STXBP4: variants seen among roughly 807,000 people sequenced by gnomAD.
The protein encoded by STXBP4 is syntaxin binding protein 4, also known as syntaxin-binding protein 4.
Under a neutral mutation model 76.1 loss-of-function variants are expected in STXBP4, and 55 were observed. The observed-to-expected ratio is 0.72, with a 90% CI of 0.58 to 0.91. STXBP4 has a LOEUF of 0.91. Among genes scored for constraint, STXBP4 ranks in the 40% least tolerant of loss-of-function variants. The pLI is 0.00. For synonymous variants in STXBP4, 201 were observed against 220.2 expected (o/e 0.91, Z 0.77); for missense variants, 618 against 636.9 (o/e 0.97, Z 0.32).
chr17:55,123,781 T>C (rs914439078), intron 16 of STXBP4, among the ~76,000 whole-genome samples: 3 of 151,858 alleles, frequency 2.0e-5, no homozygotes, highest in Non-Finnish European at 2.9e-5. Flanking sequence ...GCGCCTATAG[T>C]CCCAGCTACT....
chr17:55,072,122 G>A (rs2079127463), intron 12 of STXBP4, among the ~76,000 whole-genome samples: 1 of 152,104 alleles, frequency 6.6e-6, no homozygotes, highest in South Asian at 2.1e-4. Context: ...GAGTAAAACA[G>A]TAGAAAGACA....
chr17:55,196,321 A>G, the STXBP4 span, among the ~76,000 whole-genome samples: 4 of 152,238 alleles, frequency 2.6e-5, no homozygotes, highest in East Asian at 1.9e-4. Flanking sequence ...CCTAGCACGT[A>G]CCATTCCCTG....
At chr17:55,048,243 A>G (rs1331017445) in intron 12 of STXBP4, among the ~76,000 whole-genome samples, 2 of 151,898 alleles carry the variant, frequency 1.3e-5, no homozygotes, top group Non-Finnish European at 2.9e-5. Flanking sequence ...AGAAGGGAAA[A>G]TTAAGGAGCT....
chr17:55,121,921 C>T (rs1368331495), intron 16 of STXBP4, among the ~76,000 whole-genome samples: 1 of 151,992 alleles, frequency 6.6e-6, no homozygotes, highest in Non-Finnish European at 1.5e-5. Flanking sequence ...GTGTAGGGAT[C>T]AGCCACTTAA....
intron 4 of STXBP4, among the ~76,000 whole-genome samples, chr17:54,997,939 A>G (rs1048209041): frequency 6.6e-6 from 1 of 151,836 alleles, no homozygotes; most frequent in Non-Finnish European, 1.5e-5. Context: ...ATTTTAAATA[A>G]TGTTTACATT....
chr17:54,999,881 C>T (rs2077879678), intron 6 of STXBP4, 39 bp downstream of exon 6: 1 of 1,304,478 alleles, frequency 7.7e-7, no homozygotes, highest in Non-Finnish European at 1.1e-6. Context: ...TATATGCACT[C>T]CATAAATTCC....
chr17:54,978,629 A>G (rs1387419932), intron 1 of STXBP4, among the ~76,000 whole-genome samples: 1 of 152,192 alleles, frequency 6.6e-6, no homozygotes, highest in Non-Finnish European at 1.5e-5. Context: ...ATAATTAGAA[A>G]GAGCTGATAT....
chr17:55,048,802 G>A (rs1342720142), intron 12 of STXBP4, among the ~76,000 whole-genome samples: 2 of 151,802 alleles, frequency 1.3e-5, no homozygotes, highest in Admixed American at 1.3e-4. Context: ...TAATCAAGAA[G>A]TAAAAGAGTT....
rs1407449596 is a variant in STXBP4, at chr17:55,159,803, A to G, written c.1554A>G (p.Val518=). The G allele has an allele frequency of 6.2e-7, 1 of 1,606,472 alleles. No individual in the cohort carries two copies. Among genetic ancestry groups the G allele is most frequent in the South Asian group, 1.1e-5 (1 of 90,724 alleles). Residue 518 remains valine, a synonymous_variant, in exon 18 of 18, where the codon GTA becomes GTG. Coordinates refer to ENST00000376352, the MANE Select transcript of STXBP4 (RefSeq NM_178509.6). ...ADGIKYFINH[V]TQTTSWIHPV... is the part of the protein sequence containing the mutation. ...CATTCTTGTTCTTCTCAAGTCATGT[A>G]ACACAGACTACATCCTGGATCCATC...
Position 55,078,695 on chromosome 17 carries a change from G to A in STXBP4, c.1315G>A (p.Glu439Lys), listed in dbSNP as rs1314297159. 1 of 1,568,220 alleles carries A rather than the reference G, an allele frequency of 6.4e-7. No individual in the cohort carries two copies. Among genetic ancestry groups the A allele is most frequent in the Non-Finnish European group, 8.8e-7 (1 of 1,140,924 alleles). The change falls in exon 15 of 18, where the codon GAA becomes AAA. Residue 439 changes from glutamate to lysine, a missense_variant. Glu to Lys is a moderately conservative substitution (Grantham distance 56, BLOSUM62 1). Coordinates refer to ENST00000376352, the MANE Select transcript of STXBP4 (RefSeq NM_178509.6). ...TCTTGTTTGTTGCTAGGCTATTCAA[G>A]AAGTATTTTCTGATAATTCTACTCC... ...KLLHFVEAIQ[E>K]VFSDNSTPLS...
chr17:55,133,494 G>A (rs2145128866), intron 16 of STXBP4, among the ~76,000 whole-genome samples: 1 of 152,286 alleles, frequency 6.6e-6, no homozygotes, highest in Non-Finnish European at 1.5e-5. Flanking sequence ...CGTATGAATA[G>A]TATTTAAATA....
At chr17:55,189,201 C>A in the STXBP4 span, among the ~76,000 whole-genome samples, 8 of 152,210 alleles carry the variant, frequency 5.3e-5, no homozygotes, top group South Asian at 4.1e-4. Context: ...CTTCAAAAAA[C>A]CAAGTAAAAC....
intron 11 of STXBP4, chr17:55,044,380 C>T (rs1269429256): frequency 2.0e-5 from 3 of 151,636 alleles, no homozygotes; most frequent in Non-Finnish European, 4.4e-5. Flanking sequence ...AAAATATTTA[C>T]ACCAAAAGGA....
chr17:54,983,691 CAT>C (rs1301068796), intron 1 of STXBP4, among the ~76,000 whole-genome samples: 1 of 151,988 alleles, frequency 6.6e-6, no homozygotes, highest in African/African-American at 2.4e-5. Context: ...GTGTGTGAAA[CAT>C]AGTGCCAATT....
chr17:55,088,690 C>T (rs1342144785), intron 16 of STXBP4, among the ~76,000 whole-genome samples: 1 of 152,178 alleles, frequency 6.6e-6, no homozygotes, highest in Admixed American at 6.5e-5. Flanking sequence ...AGCCACCGTG[C>T]CAGGCCTAGA....
chr17:55,121,210 T>A (rs1262996240), intron 16 of STXBP4, among the ~76,000 whole-genome samples: 2 of 152,208 alleles, frequency 1.3e-5, no homozygotes, highest in Non-Finnish European at 2.9e-5. Context: ...AGATATTAAG[T>A]ATTTTATGAA....
chr17:55,161,219 A>G lies in STXBP4; in HGVS notation c.*1308A>G, dbSNP rs1404546637. Reference sequence around the variant, plus strand: ...TGCTCAACTATACATTCCTGAATCCATTTAGGATTTGTGATTTATGTCTTG... The same window carrying G: ...TGCTCAACTATACATTCCTGAATCCGTTTAGGATTTGTGATTTATGTCTTG... On this transcript the variant is annotated 3_prime_UTR_variant, in exon 18 of 18. Transcript: ENST00000376352. The G allele has an allele frequency of 1.3e-5, 2 of 152,200 alleles. No homozygotes were observed. Among genetic ancestry groups the G allele is most frequent in the African/African-American group, 2.4e-5 (1 of 41,450 alleles). 9.4% of individuals were successfully genotyped at this position (152,200 alleles called of 1,614,324 possible).
chr17:55,076,288 A>G (rs1274946728), intron 13 of STXBP4, among the ~76,000 whole-genome samples: 20 of 152,098 alleles, frequency 1.3e-4, no homozygotes, highest in Admixed American at 9.2e-4. Context: ...CTCCATTTTT[A>G]CCATTTTCTG....
chr17:55,015,266 A>G (rs928380832), intron 8 of STXBP4, among the ~76,000 whole-genome samples: 1 of 152,134 alleles, frequency 6.6e-6, no homozygotes, highest in Admixed American at 6.5e-5. Flanking sequence ...CAAGTTAGCA[A>G]ATGTCTGTGG....
Sources: allele counts gnomAD v4.1 joint callset (sites outside exome capture counted in the v4.1 genomes callset), GRCh38; gene constraint gnomAD v4.1.1; transcripts MANE v1.5; gene names NCBI Gene and HGNC (gene_info 2026-07-23, HGNC 2026-07-21).